The following PTPN13 variants were observed in gnomAD, a reference collection of about 807,000 sequenced individuals.
The protein encoded by PTPN13 is protein tyrosine phosphatase non-receptor type 13.
Under a neutral mutation model 284.0 loss-of-function variants are expected in PTPN13, and 191 were observed. That is an observed-to-expected ratio of 0.67 (90% CI 0.60 to 0.76). PTPN13 has a LOEUF of 0.76. PTPN13 is among the 30% of genes least tolerant of loss of function. PTPN13 has a pLI of 0.00. For synonymous variants in PTPN13, 986 were observed against 1,022.3 expected (o/e 0.96, Z 0.68); for missense variants, 2,797 against 2,939.9 (o/e 0.95, Z 1.12).
chr4:86,718,245 A>T (rs1174390564), intron 9 of PTPN13, among the ~76,000 whole-genome samples: 1 of 152,160 alleles, frequency 6.6e-6, no homozygotes, highest in African/African-American at 2.4e-5. Context: ...CAGTTTGTTT[A>T]ATTCAGATGC....
rs534143475 is a variant in PTPN13, at chr4:86,722,187, C to A, written c.1386-25C>A. 13 of 1,567,592 alleles carry A rather than the reference C, an allele frequency of 8.3e-6. No individual in the cohort carries two copies. In the African/African-American group the frequency reaches 1.8e-4, roughly 21 times the overall value. On this transcript the variant is annotated intron_variant, in intron 9 of 47. Coordinates refer to ENST00000411767, the MANE Select transcript of PTPN13 (RefSeq NM_080683.3). ...AAACAATTGTTTTCCTCCCAATCCT[C>A]ACCTGTCTCCTCTTTTCTATATAGC...
intron 47 of PTPN13, among the ~76,000 whole-genome samples, chr4:86,813,790 A>G (rs1391127741): frequency 6.6e-6 from 1 of 152,122 alleles, no homozygotes; most frequent in African/African-American, 2.4e-5. Context: ...GAGCTCAACA[A>G]ATCCAGAAGA....
chr4:86,628,325 G>A (rs1192033775), intron 1 of PTPN13, among the ~76,000 whole-genome samples: 2 of 151,760 alleles, frequency 1.3e-5, no homozygotes, highest in African/African-American at 2.4e-5. Context: ...AATGACTAAT[G>A]ATGTTGAGAA....
At chr4:86,780,519 G>T in intron 36 of PTPN13, 47 bp downstream of exon 36, 1 of 1,271,014 alleles carries the variant, frequency 7.9e-7, no homozygotes, top group South Asian at 1.3e-5. Flanking sequence ...TAATGGGAAT[G>T]TAAAATGGCA....
intron 7 of PTPN13, among the ~76,000 whole-genome samples, chr4:86,712,441 G>C (rs1201987868): frequency 6.6e-6 from 1 of 151,304 alleles, no homozygotes; most frequent in Non-Finnish European, 1.5e-5. Flanking sequence ...AGATTCTCTT[G>C]GTAAAGAACA....
intron 1 of PTPN13, among the ~76,000 whole-genome samples, chr4:86,601,109 T>C (rs989221103): frequency 1.3e-5 from 2 of 152,134 alleles, no homozygotes; most frequent in Non-Finnish European, 2.9e-5. Flanking sequence ...GTGAATTTTC[T>C]AGTACTCTAT....
intron 3 of PTPN13, among the ~76,000 whole-genome samples, chr4:86,681,299 A>G (rs2148927873): frequency 6.6e-6 from 1 of 152,262 alleles, no homozygotes; most frequent in African/African-American, 2.4e-5. Flanking sequence ...TAATTCTGGA[A>G]AAGGATATAC....
intron 1 of PTPN13, among the ~76,000 whole-genome samples, chr4:86,605,769 A>G (rs1331651064): frequency 1.3e-5 from 2 of 151,882 alleles, no homozygotes; most frequent in Non-Finnish European, 2.9e-5. Context: ...GTATCTTCAG[A>G]AAGTGCTGTC....
At position 86,780,502 on chromosome 4, in the gene PTPN13, C is replaced by G. The variant is rs374976425; in HGVS notation, c.5962+30C>G. ...GGATATATTCATTTTACTGTACTCT[C>G]CTACGGTAATGGGAATGTAAAATGG... On this transcript the variant is annotated intron_variant, in intron 36 of 47. Coordinates refer to ENST00000411767, the MANE Select transcript of PTPN13 (RefSeq NM_080683.3). 4 of 1,415,226 alleles carry G rather than the reference C, an allele frequency of 2.8e-6. No homozygotes were observed. In the African/African-American group the frequency reaches 5.6e-5, roughly 20 times the overall value. The allele number at this position is 1,415,226 out of a possible 1,614,324, so 87.7% of individuals were successfully genotyped here. A position where few individuals can be genotyped will look rare whatever the true frequency, so the allele number is the denominator to read the frequency against.
rs375467221 is a variant in PTPN13 at position 86,689,148 on chromosome 4, C to T, written c.504C>T (p.Tyr168=). 18 of 1,613,466 alleles carry T rather than the reference C, an allele frequency of 1.1e-5. No homozygotes were observed. The highest frequency in any genetic ancestry group is 4.5e-5 in the East Asian group (2 of 44,880). The change falls in exon 5 of 48, where the codon TAC becomes TAT. Residue 168 remains tyrosine (Y), a synonymous_variant. Transcript: ENST00000411767. ...RNSNCAPSFS[Y]VKHLVKLVLG... ...GCAATTGTGCACCCTCATTTTCCTA[C>T]GTGAAACACTTGGTAAAACTGGTTC... is the stretch of plus-strand genomic sequence containing the variant.
chr4:86,801,229 A>C (rs1413595077), intron 42 of PTPN13, among the ~76,000 whole-genome samples: 1 of 152,206 alleles, frequency 6.6e-6, no homozygotes, highest in Admixed American at 6.5e-5. Context: ...GCATGGAGAA[A>C]ACTATCGAAC....
intron 16 of PTPN13, 31 bp downstream of exon 16, chr4:86,741,847 T>C (rs1266236918): frequency 6.5e-7 from 1 of 1,527,494 alleles, no homozygotes. Context: ...TTCATTATAT[T>C]TTCAAATGAT....
chr4:86,630,555 T>C (rs1018612968), intron 1 of PTPN13, among the ~76,000 whole-genome samples: 1 of 152,174 alleles, frequency 6.6e-6, no homozygotes, highest in Admixed American at 6.6e-5. Flanking sequence ...ATTCTGAATC[T>C]TCCTGGATGA....
At chr4:86,650,424 A>G (rs1478850872) in intron 2 of PTPN13, among the ~76,000 whole-genome samples, 4 of 151,850 alleles carry the variant, frequency 2.6e-5, no homozygotes, top group Non-Finnish European at 4.4e-5. Flanking sequence ...TGATCCTCCC[A>G]CCTCAGCCTC....
At chr4:86,675,560 A>G (rs899683794) in intron 3 of PTPN13, among the ~76,000 whole-genome samples, 3 of 152,174 alleles carry the variant, frequency 2.0e-5, no homozygotes, top group Admixed American at 1.3e-4. Flanking sequence ...ATACATGACA[A>G]TGTTCTCTTC....
rs1733048452 is a variant in PTPN13 at position 86,716,593 on chromosome 4, C to T, written c.1259C>T (p.Ser420Phe). ...TTTAGTACCTCCAGTGAAAGTCCAT[C>T]TATTATTTCCTCTGAATCAGATTTC... ...DVFSTSSESP[S>F]IISSESDFRQ... Residue 420 changes from serine (S) to phenylalanine (F), a missense_variant, in exon 8 of 48, where the codon TCT (serine) becomes TTT (phenylalanine). Transcript: ENST00000411767. 1.3e-6 allele frequency: 2 copies of T among 1,596,948 alleles called. No individual in the cohort carries two copies. The highest frequency in any genetic ancestry group is 1.1e-5 in the South Asian group (1 of 87,730).
chr4:86,764,371 G>A (rs1739041771), intron 24 of PTPN13, among the ~76,000 whole-genome samples: 1 of 151,954 alleles, frequency 6.6e-6, no homozygotes, highest in Non-Finnish European at 1.5e-5. Context: ...TGATCTCTAA[G>A]ATCTCTTCCA....
rs1318049883 is a variant in PTPN13, at chr4:86,735,572, A to G, written c.2152-22A>G. 21 of 1,600,646 alleles carry G rather than the reference A, an allele frequency of 1.3e-5. No individual in the cohort carries two copies. In the Admixed American group the frequency reaches 3.4e-4, roughly 26 times the overall value. On this transcript the variant is annotated intron_variant, in intron 14 of 47. Transcript: ENST00000411767. ...TCCAATAAAAGGCAAACAATTGCTT[A>G]TGAAAACATTCTTTTATCTAGGTTC... is the stretch of plus-strand genomic sequence containing the variant.
chr4:86,809,962 G>A lies in PTPN13; in HGVS notation c.7277G>A (p.Gly2426Glu), dbSNP rs765352499. Residue 2426 changes from glycine (G) to glutamate (E), a missense_variant, in exon 46 of 48, where the codon GGA (glycine) becomes GAA (glutamate). Coordinates refer to ENST00000411767, the MANE Select transcript of PTPN13 (RefSeq NM_080683.3). ...CTGATTTGCATAGATGTGGTTCTGG[G>A]ATTAATCAGTCAGGATCTTGATGTG... ...GTLICIDVVL[G>E]LISQDLDFDI... 3 of 1,613,880 alleles carry A rather than the reference G, an allele frequency of 1.9e-6. No homozygotes were observed. In the Admixed American group the frequency reaches 5.0e-5, roughly 27 times the overall value.
Sources: allele counts gnomAD v4.1 joint callset (sites outside exome capture counted in the v4.1 genomes callset), GRCh38; gene constraint gnomAD v4.1.1; transcripts MANE v1.5; gene names NCBI Gene and HGNC (gene_info 2026-07-23, HGNC 2026-07-21).